LIFR: variants seen among roughly 807,000 people sequenced by gnomAD.
LIFR encodes leukemia inhibitory factor receptor.
Under a neutral mutation model 122.2 loss-of-function variants are expected in LIFR, and 84 were observed. The observed-to-expected ratio is 0.69, with a 90% CI of 0.58 to 0.82. The LOEUF (loss-of-function observed/expected upper bound fraction) is 0.82, where lower values mean the gene tolerates loss of function less well. Among genes scored for constraint, LIFR ranks in the 40% least tolerant of loss-of-function variants. The probability of loss-of-function intolerance (pLI) is 0.00; values close to 1 mark genes in which losing one functional copy is unlikely to be tolerated. For missense variants in LIFR, 1,294 were observed against 1,311.6 expected, an observed-to-expected ratio of 0.99 and a Z score of 0.21; for synonymous variants, 422 against 434.7, an observed-to-expected ratio of 0.97 and a Z score of 0.36.
At chr5:38,589,243 T>C (rs901756481) in intron 1 of LIFR, among the ~76,000 whole-genome samples, 1 of 152,032 alleles carries the variant, frequency 6.6e-6, no homozygotes, top group African/African-American at 2.4e-5. Flanking sequence ...ATGTTACTGA[T>C]CTCATTTTAA....
chr5:38,579,567 A>T (rs1016484693), intron 1 of LIFR: 1 of 152,214 alleles, frequency 6.6e-6, no homozygotes, highest in African/African-American at 2.4e-5. Context: ...AAGTCCTGCA[A>T]TAGAAAAATA....
chr5:38,588,824 A>C (rs766490880), intron 1 of LIFR, among the ~76,000 whole-genome samples: 7 of 152,160 alleles, frequency 4.6e-5, no homozygotes, highest in Non-Finnish European at 7.3e-5. Context: ...TTAGAACTGG[A>C]ATTACTCTAG....
In LIFR at chr5:38,514,675, T is replaced by C. The variant is rs555489044; in HGVS notation, c.562-2711A>G. The stretch of plus-strand genomic sequence containing the variant: ...AAATAACTACTGACAGTTGGCTCCC[T>C]CTATTCATCGCTCCACATCTGTGAG... On this transcript the variant is annotated intron_variant, in intron 5 of 19. Coordinates refer to ENST00000453190, the MANE Select transcript of LIFR (RefSeq NM_001127671.2). Among the ~76,000 whole-genome samples, 96 of 152,352 alleles carry C rather than the reference T, an allele frequency of 6.3e-4. 1 individual carries two copies. The highest frequency in any genetic ancestry group is 2.3e-3 in the African/African-American group (94 of 41,578).
chr5:38,490,171 A>C lies in LIFR; in HGVS notation c.2167+19T>G. On this transcript the variant is annotated intron_variant, in intron 15 of 19. Coordinates refer to ENST00000453190, the MANE Select transcript of LIFR (RefSeq NM_001127671.2). ...CATGTTGCCTTGAGCTCTTATAAATAAGTACCCATTTAACTTACCCAATTC... is the reference window on the plus strand; with the variant it reads ...CATGTTGCCTTGAGCTCTTATAAATCAGTACCCATTTAACTTACCCAATTC... 1 of 1,081,364 alleles carries C rather than the reference A, an allele frequency of 9.2e-7. No homozygotes were observed. The highest frequency in any genetic ancestry group is 1.4e-6 in the Non-Finnish European group (1 of 708,362). The allele number at this position is 1,081,364 out of a possible 1,614,324, so 67.0% of individuals were successfully genotyped here. A position where few individuals can be genotyped will look rare whatever the true frequency, so the allele number is the denominator to read the frequency against.
chr5:38,502,562 ATCT>A (rs1382429826), intron 11 of LIFR, 72 bp downstream of exon 11: 21 of 1,320,104 alleles, frequency 1.6e-5, no homozygotes, highest in Non-Finnish European at 2.1e-5. Flanking sequence ...CCCGGCCAAC[ATCT>A]TCTTTTTAAA....
At chr5:38,537,666 T>A (rs77316530) in intron 1 of LIFR, among the ~76,000 whole-genome samples, 90 of 150,200 alleles carry the variant, frequency 6.0e-4, no homozygotes, top group African/African-American at 1.7e-3. Context: ...GGATTGTCTT[T>A]AAAAAAAAAA....
At chr5:38,519,530 T>C (rs1473556461) in intron 5 of LIFR, among the ~76,000 whole-genome samples, 3 of 152,180 alleles carry the variant, frequency 2.0e-5, no homozygotes, top group Non-Finnish European at 2.9e-5. Flanking sequence ...GTCACCCTAC[T>C]TGACTATCTA....
At chr5:38,515,757 AG>A (rs1746043605) in intron 5 of LIFR, among the ~76,000 whole-genome samples, 1 of 152,138 alleles carries the variant, frequency 6.6e-6, no homozygotes, top group Non-Finnish European at 1.5e-5. Flanking sequence ...GGTCGTTTCC[AG>A]GGAAAGTCAA....
chr5:38,572,630 G>C (rs1353640805), intron 1 of LIFR, among the ~76,000 whole-genome samples: 1 of 152,170 alleles, frequency 6.6e-6, no homozygotes, highest in Non-Finnish European at 1.5e-5. Flanking sequence ...CGGGCCTGAA[G>C]GGGGGTCAGA....
intron 1 of LIFR, among the ~76,000 whole-genome samples, chr5:38,541,031 A>C (rs1282339614): frequency 6.6e-6 from 1 of 152,108 alleles, no homozygotes; most frequent in Non-Finnish European, 1.5e-5. Context: ...AATAATTCAA[A>C]ATTTTTTTCT....
intron 16 of LIFR, among the ~76,000 whole-genome samples, chr5:38,486,449 G>A (rs1317420533): frequency 6.6e-6 from 1 of 152,214 alleles, no homozygotes; most frequent in Non-Finnish European, 1.5e-5. Flanking sequence ...GGATCAGTGT[G>A]ATGGGGACTC....
intron 7 of LIFR, among the ~76,000 whole-genome samples, chr5:38,506,857 A>G (rs1161487327): frequency 6.6e-6 from 1 of 152,192 alleles, no homozygotes; most frequent in African/African-American, 2.4e-5. Flanking sequence ...AATGACTCTT[A>G]GCTCATCTGG....
chr5:38,512,708 C>T (rs1022742807), intron 5 of LIFR, among the ~76,000 whole-genome samples: 2 of 151,902 alleles, frequency 1.3e-5, no homozygotes, highest in Admixed American at 6.6e-5. Context: ...TGAGCATTTC[C>T]TTTGAGCATC....
chr5:38,515,525 T>C (rs1021458203), intron 5 of LIFR, among the ~76,000 whole-genome samples: 5 of 151,036 alleles, frequency 3.3e-5, no homozygotes, highest in African/African-American at 7.3e-5. Flanking sequence ...ATACAAATGA[T>C]GAATACTGTT....
chr5:38,517,180 T>C lies in LIFR; in HGVS notation c.562-5216A>G, dbSNP rs542515061. 2.0e-5 allele frequency among the ~76,000 whole-genome samples: 3 copies of C among 152,214 alleles called. No individual in the cohort carries two copies. In the South Asian group the frequency reaches 6.2e-4, roughly 32 times the overall value. On this transcript the variant is annotated intron_variant, in intron 5 of 19. Coordinates refer to ENST00000453190, the MANE Select transcript of LIFR (RefSeq NM_001127671.2). ...TGTAACAAACCTTCAGGTTTGTACA[T>C]GTATCCCAGAATTTAAAGTGTAATA...
chr5:38,537,191 A>ACAGTTC (rs1036853615), intron 1 of LIFR, among the ~76,000 whole-genome samples: 8 of 152,138 alleles, frequency 5.3e-5, no homozygotes, highest in African/African-American at 1.9e-4. Flanking sequence ...GTTTCAACAC[A>ACAGTTC]CAGTTCCAGT....
intron 1 of LIFR, among the ~76,000 whole-genome samples, chr5:38,586,454 A>T (rs1048073209): frequency 6.6e-6 from 1 of 152,338 alleles, no homozygotes; most frequent in East Asian, 1.9e-4. Flanking sequence ...CTACCTCAGA[A>T]TTCTAACTGT....
At chr5:38,583,581 A>C (rs976168347) in intron 1 of LIFR, among the ~76,000 whole-genome samples, 1 of 152,248 alleles carries the variant, frequency 6.6e-6, no homozygotes, top group East Asian at 1.9e-4. Flanking sequence ...CCCAAAATTT[A>C]TAAAGAACAT....
Position 38,481,765 on chromosome 5 carries a change from G to A in LIFR, c.3124C>T (p.Pro1042Ser). Residue 1042 changes from proline (P) to serine (S), a missense_variant, in exon 20 of 20, where the codon CCA becomes TCA. Coordinates refer to ENST00000453190, the MANE Select transcript of LIFR (RefSeq NM_001127671.2). ...ANVNTWNLVS[P>S]DSPRSIDSNS... ...CTGTCTATGGATCTAGGAGAGTCTG[G>A]AGACACTAAATTCCATGTATTTACA... The A allele has an allele frequency of 2.5e-6, 4 of 1,614,094 alleles. No homozygotes were observed. The highest frequency in any genetic ancestry group is 3.4e-6 in the Non-Finnish European group (4 of 1,180,028).
Sources: allele counts gnomAD v4.1 joint callset (sites outside exome capture counted in the v4.1 genomes callset), GRCh38; gene constraint gnomAD v4.1.1; transcripts MANE v1.5; gene names NCBI Gene and HGNC (gene_info 2026-07-23, HGNC 2026-07-21).